SEMA3A: variants seen among roughly 807,000 people sequenced by gnomAD.
SEMA3A encodes the protein semaphorin-3A.
In SEMA3A, 29 loss-of-function variants were observed where a neutral mutation model predicts 97.9. The ratio of observed to expected loss-of-function variants is 0.30; its 90% CI spans 0.22 to 0.40. The LOEUF (loss-of-function observed/expected upper bound fraction) is 0.40. SEMA3A is among the 10% of genes least tolerant of loss of function. The pLI, the probability that SEMA3A is intolerant of heterozygous loss-of-function variation, is 1.00. For synonymous variants in SEMA3A, 321 were observed against 323.7 expected, an observed-to-expected ratio of 0.99 and a Z score of 0.09; for missense variants, 763 against 951.3, an observed-to-expected ratio of 0.80 and a Z score of 2.60.
intron 2 of SEMA3A, among the ~76,000 whole-genome samples, chr7:84,345,893 G>A (rs955203146): frequency 6.6e-6 from 1 of 152,128 alleles, no homozygotes; most frequent in Admixed American, 6.5e-5. Context: ...ATGTAAAATG[G>A]TGAATCCTTT....
intron 1 of SEMA3A, among the ~76,000 whole-genome samples, chr7:84,435,605 AAAACAAACAAAC>A (rs368458406): frequency 3.3e-5 from 5 of 152,036 alleles, no homozygotes; most frequent in Non-Finnish European, 5.9e-5. Context: ...AAATTCTGTC[AAAACAAACAAAC>A]AAACAAACAA....
intron 2 of SEMA3A, among the ~76,000 whole-genome samples, chr7:84,129,835 T>C (rs1212042365): frequency 6.6e-6 from 1 of 152,010 alleles, no homozygotes; most frequent in Non-Finnish European, 1.5e-5. Context: ...TCACCCTCTC[T>C]AATGTGGGCT....
intron 3 of SEMA3A, among the ~76,000 whole-genome samples, chr7:84,118,032 C>A (rs1795487644): frequency 6.6e-6 from 1 of 152,132 alleles, no homozygotes; most frequent in African/African-American, 2.4e-5. Context: ...ACATATTATG[C>A]CATTTCACCA....
At chr7:84,092,983 T>A (rs1441537145) in intron 4 of SEMA3A, among the ~76,000 whole-genome samples, 2 of 152,160 alleles carry the variant, frequency 1.3e-5, no homozygotes, top group African/African-American at 4.8e-5. Flanking sequence ...AATTACAGGA[T>A]AATATTTGTT....
At chr7:83,967,534 C>T (rs1356580312) in intron 15 of SEMA3A, among the ~76,000 whole-genome samples, 1 of 152,160 alleles carries the variant, frequency 6.6e-6, no homozygotes, top group Non-Finnish European at 1.5e-5. Flanking sequence ...GTGGACGGAT[C>T]ACTTGAGGTC....
At chr7:84,479,003 A>G (rs1221966165) in intron 1 of SEMA3A, among the ~76,000 whole-genome samples, 1 of 152,156 alleles carries the variant, frequency 6.6e-6, no homozygotes. Flanking sequence ...GCTCCTCAAA[A>G]CAATTTCCCA....
At chr7:84,161,192 T>C (rs1797023367) in intron 1 of SEMA3A, among the ~76,000 whole-genome samples, 1 of 151,932 alleles carries the variant, frequency 6.6e-6, no homozygotes, top group Non-Finnish European at 1.5e-5. Context: ...GGTGAAACCC[T>C]GTCTCTACTA....
chr7:84,171,760 T>C (rs1008861203), intron 1 of SEMA3A, among the ~76,000 whole-genome samples: 1 of 152,084 alleles, frequency 6.6e-6, no homozygotes, highest in Non-Finnish European at 1.5e-5. Flanking sequence ...ATTAAAAAAA[T>C]ATATTAAGGG....
intron 3 of SEMA3A, among the ~76,000 whole-genome samples, chr7:84,252,386 G>A (rs1268766553): frequency 6.6e-6 from 1 of 152,150 alleles, no homozygotes; most frequent in Non-Finnish European, 1.5e-5. Flanking sequence ...TCCATATAAA[G>A]GCAAACCACG....
chr7:84,100,398 T>C (rs1173725530), intron 4 of SEMA3A, among the ~76,000 whole-genome samples: 1 of 152,184 alleles, frequency 6.6e-6, no homozygotes, highest in East Asian at 1.9e-4. Context: ...AATAGCATCT[T>C]TGCCTCAGGT....
upstream of SEMA3A, among the ~76,000 whole-genome samples, chr7:84,197,165 G>T (rs2116286817): frequency 6.6e-6 from 1 of 152,118 alleles, no homozygotes; most frequent in Non-Finnish European, 1.5e-5. Context: ...CATGGAAGTT[G>T]GTAGCACAGA....
At chr7:84,172,779 A>G (rs754283577) in intron 1 of SEMA3A, among the ~76,000 whole-genome samples, 1 of 152,242 alleles carries the variant, frequency 6.6e-6, no homozygotes, top group African/African-American at 2.4e-5. Context: ...ATGCTGTCTG[A>G]AAACAGGCAG....
chr7:84,314,852 A>C (rs1054650532), intron 2 of SEMA3A, among the ~76,000 whole-genome samples: 2 of 152,170 alleles, frequency 1.3e-5, no homozygotes, highest in African/African-American at 4.8e-5. Context: ...TTAGAAAGTC[A>C]TTTTTTCAAG....
intron 1 of SEMA3A, among the ~76,000 whole-genome samples, chr7:84,135,547 G>T (rs1435418127): frequency 6.6e-6 from 1 of 152,046 alleles, no homozygotes; most frequent in African/African-American, 2.4e-5. Context: ...ATGTAGTAAT[G>T]GATTAGACTG....
At chr7:84,054,935 A>G (rs1274638693) in intron 5 of SEMA3A, among the ~76,000 whole-genome samples, 1 of 151,980 alleles carries the variant, frequency 6.6e-6, no homozygotes, top group Non-Finnish European at 1.5e-5. Flanking sequence ...CAGGACCCTC[A>G]GCTGCAGGTC....
intron 1 of SEMA3A, among the ~76,000 whole-genome samples, chr7:84,388,121 A>C (rs1340488382): frequency 6.6e-6 from 1 of 152,158 alleles, no homozygotes; most frequent in East Asian, 1.9e-4. Context: ...ACACACAATA[A>C]ACAGAGTTTT....
chr7:84,063,614 T>G (rs1237250969), intron 4 of SEMA3A, among the ~76,000 whole-genome samples: 1 of 150,882 alleles, frequency 6.6e-6, no homozygotes, highest in African/African-American at 2.5e-5. Context: ...GAGAACTACA[T>G]GAAGAATGCA....
At chr7:83,985,797 T>C (rs1006225135) in intron 12 of SEMA3A, among the ~76,000 whole-genome samples, 1 of 152,092 alleles carries the variant, frequency 6.6e-6, no homozygotes, top group African/African-American at 2.4e-5. Context: ...AAAACATGTT[T>C]TGGACTTGTG....
At chr7:84,238,000 C>A (rs866172758) in intron 3 of SEMA3A, among the ~76,000 whole-genome samples, 1 of 152,154 alleles carries the variant, frequency 6.6e-6, no homozygotes. Flanking sequence ...ATTGGAAGTA[C>A]TAAGGAAGCC....
Sources: gnomAD v4.1 joint callset for allele counts (sites outside exome capture counted in the v4.1 genomes callset) on GRCh38, gnomAD v4.1.1 for gene constraint, MANE v1.5 for transcripts, NCBI Gene and HGNC (gene_info 2026-07-23, HGNC 2026-07-21) for gene names.